ARSK: variants seen among roughly 807,000 people sequenced by gnomAD.
ARSK encodes the protein arylsulfatase family member K, also known as arylsulfatase K.
ARSK carries 37 observed loss-of-function variants against 53.2 expected under a neutral mutation model. The observed-to-expected ratio is 0.70, with a 90% confidence interval of 0.54 to 0.92. ARSK has a LOEUF of 0.92. Ranked by LOEUF, ARSK falls within the 40% of genes least tolerant of loss-of-function variation. ARSK has a pLI of 0.00. For missense variants in ARSK, 613 were observed against 643.0 expected, an observed-to-expected ratio of 0.95 and a Z score of 0.51; for synonymous variants, 208 against 223.2, an observed-to-expected ratio of 0.93 and a Z score of 0.61.
At chr5:95,563,717 G>C (rs1748677872) in intron 1 of ARSK, among the ~76,000 whole-genome samples, 1 of 152,178 alleles carries the variant, frequency 6.6e-6, no homozygotes, top group African/African-American at 2.4e-5. Context: ...CTAGCCTGCA[G>C]GACTTGGAGT....
intron 1 of ARSK, among the ~76,000 whole-genome samples, chr5:95,565,510 CTGTCCACACTGTCTAACGTAGGTCTCTCT>C (rs1267759032): frequency 7.9e-5 from 12 of 152,342 alleles, no homozygotes; most frequent in Non-Finnish European, 1.2e-4. Flanking sequence ...GAAGGCTTCC[CTGTCCACACTGTCTAACGTAGGTCTCTCT>C]TGTCCTTCTG....
At chr5:95,570,200 C>G (rs1229234578) in intron 3 of ARSK, among the ~76,000 whole-genome samples, 1 of 152,228 alleles carries the variant, frequency 6.6e-6, no homozygotes, top group African/African-American at 2.4e-5. Flanking sequence ...AAATCCACAA[C>G]ATGATTTATG....
intron 1 of ARSK, among the ~76,000 whole-genome samples, chr5:95,559,909 A>G (rs1398755861): frequency 6.6e-6 from 1 of 152,222 alleles, no homozygotes; most frequent in Non-Finnish European, 1.5e-5. Flanking sequence ...AAGTAAAAGT[A>G]TCTATACTTG....
At position 95,601,102 on chromosome 5, in the gene ARSK, T is replaced by A. The variant is rs370660936; in HGVS notation, c.1321+31T>A. On this transcript the variant is annotated intron_variant, in intron 7 of 7. Transcript: ENST00000380009. ...TTTGTTAATATATTTTTAAGTGTAA[T>A]ATTATGTGTAATGAACTGCCCTATG... 7.1e-5 allele frequency: 111 copies of A among 1,565,892 alleles called. No homozygotes were observed. The South Asian group carries it at 1.1e-3, about 15-fold the overall frequency.
intron 1 of ARSK, among the ~76,000 whole-genome samples, chr5:95,560,033 AATTG>A (rs1748600659): frequency 2.0e-5 from 3 of 152,224 alleles, no homozygotes; most frequent in Non-Finnish European, 2.9e-5. Flanking sequence ...TTATATACTT[AATTG>A]ATTAACACAC....
At chr5:95,588,804 A>T (rs1423737423) in intron 5 of ARSK, among the ~76,000 whole-genome samples, 2 of 152,014 alleles carry the variant, frequency 1.3e-5, no homozygotes, top group South Asian at 2.1e-4. Flanking sequence ...TCTACTAAAA[A>T]TACAAAAATT....
chr5:95,563,927 T>C (rs1020022479), intron 1 of ARSK, among the ~76,000 whole-genome samples: 3 of 152,102 alleles, frequency 2.0e-5, no homozygotes, highest in Admixed American at 6.5e-5. Flanking sequence ...TTCTGAGAAT[T>C]TGAATTTAAG....
At chr5:95,568,783 TGC>T (rs1329371369) in intron 3 of ARSK, among the ~76,000 whole-genome samples, 1 of 152,190 alleles carries the variant, frequency 6.6e-6, no homozygotes, top group Non-Finnish European at 1.5e-5. Flanking sequence ...GCCTATTGTG[TGC>T]CTGGAGCATT....
At chr5:95,576,520 T>C (rs1748927317) in intron 3 of ARSK, among the ~76,000 whole-genome samples, 1 of 152,030 alleles carries the variant, frequency 6.6e-6, no homozygotes, top group East Asian at 1.9e-4. Context: ...TCATGTCTTC[T>C]ATTCTGAGAC....
At chr5:95,573,337 A>T (rs1008754069) in intron 3 of ARSK, among the ~76,000 whole-genome samples, 15 of 152,326 alleles carry the variant, frequency 9.8e-5, no homozygotes, top group Middle Eastern at 3.4e-3. Flanking sequence ...AATTTCTAAC[A>T]TCAGTATAAT....
chr5:95,576,654 G>A (rs1257592414), intron 3 of ARSK, among the ~76,000 whole-genome samples: 7 of 151,880 alleles, frequency 4.6e-5, no homozygotes, highest in Non-Finnish European at 1.0e-4. Flanking sequence ...GGAGGCCAAG[G>A]CGGGTGGATC....
intron 3 of ARSK, among the ~76,000 whole-genome samples, chr5:95,575,604 CTAAG>C (rs750372499): frequency 7.9e-5 from 12 of 152,026 alleles, no homozygotes; most frequent in Non-Finnish European, 1.6e-4. Context: ...TAATTAATTC[CTAAG>C]TATTTTTTTG....
At chr5:95,558,578 A>G (rs1037405500) in intron 1 of ARSK, among the ~76,000 whole-genome samples, 1 of 152,232 alleles carries the variant, frequency 6.6e-6, no homozygotes, top group Admixed American at 6.5e-5. Context: ...ATACTTACAT[A>G]CAACAACTGT....
rs1242603212 is a variant in ARSK at position 95,555,204 on chromosome 5, C to T, written c.-75C>T. 2 of 1,449,174 alleles carry T rather than the reference C, an allele frequency of 1.4e-6. No individual in the cohort carries two copies. The highest frequency in any genetic ancestry group is 1.2e-5 in the South Asian group (1 of 86,380). The allele number at this position is 1,449,174 out of a possible 1,614,324, so 89.8% of individuals were successfully genotyped here. On this transcript the variant is annotated 5_prime_UTR_variant, in exon 1 of 8. Coordinates refer to ENST00000380009, the MANE Select transcript of ARSK (RefSeq NM_198150.3). The surrounding 1 kb of genome is among the most constrained non-coding windows in gnomAD (Gnocchi z 4.0). ...CTTTGGGAGTTGTTCGCTGTCCCTGCCCTGCTCTGCTAGGGAGAGAACGCC... is the reference window on the plus strand; with the variant it reads ...CTTTGGGAGTTGTTCGCTGTCCCTGTCCTGCTCTGCTAGGGAGAGAACGCC...
chr5:95,603,272 G>T lies in ARSK; in HGVS notation c.1357G>T (p.Ala453Ser). The change falls in exon 8 of 8, where the codon GCT becomes TCT. Residue 453 changes from alanine (A) to serine (S), a missense_variant. Transcript: ENST00000380009. ...SSDPDELTNV[A>S]VKFPEITYSL... Reference sequence around the variant, plus strand: ...GGATCCAGATGAATTAACAAATGTTGCTGTAAAATTTCCAGAAATTACTTA... The same window carrying T: ...GGATCCAGATGAATTAACAAATGTTTCTGTAAAATTTCCAGAAATTACTTA... The T allele has an allele frequency of 2.5e-6, 4 of 1,587,732 alleles. No individual in the cohort carries two copies. Among genetic ancestry groups the T allele is most frequent in the African/African-American group, 1.4e-5 (1 of 73,862 alleles).
intron 6 of ARSK, among the ~76,000 whole-genome samples, chr5:95,593,039 G>A (rs768224845): frequency 2.0e-5 from 3 of 151,648 alleles, no homozygotes; most frequent in Non-Finnish European, 2.9e-5. Flanking sequence ...GTATATTTGG[G>A]TCTCTTTTAT....
chr5:95,584,348 A>G lies in ARSK; in HGVS notation c.699+1150A>G, dbSNP rs59561720. On this transcript the variant is annotated intron_variant, in intron 4 of 7. Transcript: ENST00000380009. ...AGAGCTAGCAGCATATCAGTGTGAA[A>G]GTTTGTACTTCTTGCAGTTATTCAC... Among the ~76,000 whole-genome samples, 1,007 of 152,322 alleles carry G rather than the reference A, an allele frequency of 6.6e-3. 14 individuals are homozygous for G. The highest frequency in any genetic ancestry group is 0.023 in the African/African-American group (950 of 41,566).
At chr5:95,570,939 G>A (rs942430379) in intron 3 of ARSK, among the ~76,000 whole-genome samples, 12 of 152,050 alleles carry the variant, frequency 7.9e-5, no homozygotes, top group Non-Finnish European at 1.8e-4. Context: ...GGGCCACTAC[G>A]CCCAACTAAT....
At chr5:95,595,802 C>T (rs935666616) in intron 6 of ARSK, among the ~76,000 whole-genome samples, 1 of 152,022 alleles carries the variant, frequency 6.6e-6, no homozygotes, top group Admixed American at 6.5e-5. Flanking sequence ...GGGAACAAAC[C>T]TGCACATGTA....
Sources: gnomAD v4.1 joint callset for allele counts (sites outside exome capture counted in the v4.1 genomes callset) on GRCh38, gnomAD v4.1.1 for gene constraint, Gnocchi (gnomAD v3.1) non-coding constraint, MANE v1.5 for transcripts, NCBI Gene and HGNC (gene_info 2026-07-23, HGNC 2026-07-21) for gene names.